The following BAAT variants were observed in gnomAD, a reference collection of about 807,000 sequenced individuals.
BAAT encodes the protein bile acid CoA: amino acid N-acyltransferase (glycine N-choloyltransferase).
Under a neutral mutation model 18.9 loss-of-function variants are expected in BAAT, and 13 were observed. That is an observed-to-expected ratio of 0.69 (90% CI 0.45 to 1.10). BAAT has a LOEUF of 1.10. Ranked by LOEUF, BAAT falls within the 50% of genes least tolerant of loss-of-function variation. BAAT has a pLI of 0.00. For missense variants in BAAT, 489 were observed against 504.0 expected (o/e 0.97, Z 0.28); for synonymous variants, 170 against 190.7 (o/e 0.89, Z 0.89).
rs1316460363 is a variant in BAAT, at chr9:101,362,859, G to A, written c.826C>T (p.Gln276Ter). ...AATTGTGCAGAATGGGGAAGGGGCT[G>A]ATGGATCTGACCATGATATACCTGT... is the stretch of plus-strand genomic sequence containing the variant. ...IPQVYHGQIH[Q>*]PLPHSAQLIS... is the part of the protein sequence containing the mutation. The change falls in exon 4 of 4, where the codon CAG (glutamine) becomes TAG (stop). Residue 276 changes from glutamine (Q) to a stop codon, truncating the protein, a stop_gained. Transcript: ENST00000259407. LOFTEE classifies it low-confidence loss of function (END_TRUNC). 6.2e-7 allele frequency: 1 copy of A among 1,614,136 alleles called. No homozygotes were observed. Among genetic ancestry groups the A allele is most frequent in the Admixed American group, 1.7e-5 (1 of 60,002 alleles).
intron 1 of BAAT, among the ~76,000 whole-genome samples, chr9:101,381,632 AAGAC>A (rs1162302398): frequency 1.3e-5 from 2 of 152,200 alleles, no homozygotes; most frequent in Non-Finnish European, 2.9e-5. Flanking sequence ...TTGTCAAAAA[AAGAC>A]AGATTGAAAG....
At position 101,361,006 on chromosome 9, in the gene BAAT, T is replaced by G. The variant is rs1393040270; in HGVS notation, c.*1422A>C. ...TATGTAAGATCATGTTAGCAGCCAGTGTTGGAGTAAGACATGGATCTTGAC... is the reference window on the plus strand; with the variant it reads ...TATGTAAGATCATGTTAGCAGCCAGGGTTGGAGTAAGACATGGATCTTGAC... On this transcript the variant is annotated 3_prime_UTR_variant, in exon 4 of 4. Transcript: ENST00000259407. The G allele has an allele frequency of 5.7e-6, 1 of 174,406 alleles. No individual in the cohort carries two copies. Among genetic ancestry groups the G allele is most frequent in the Middle Eastern group, 6.0e-4 (1 of 1,670 alleles). The allele number at this position is 174,406 out of a possible 1,614,324, so 10.8% of individuals were successfully genotyped here. A position where few individuals can be genotyped will look rare whatever the true frequency, so the allele number is the denominator to read the frequency against.
At chr9:101,370,907 A>G (rs1386738787) in intron 2 of BAAT, 32 bp downstream of exon 2, 2 of 1,604,792 alleles carry the variant, frequency 1.2e-6, no homozygotes, top group African/African-American at 2.7e-5. Context: ...TGGAAAAACA[A>G]GAATAACAAT....
intron 1 of BAAT, chr9:101,376,136 C>A: frequency 1.6e-5 from 2 of 128,656 alleles, no homozygotes; most frequent in South Asian, 2.1e-4. Context: ...TTTTTTTTTT[C>A]TGTTTAGCTG....
At chr9:101,381,285 G>T (rs920803698) in intron 1 of BAAT, among the ~76,000 whole-genome samples, 1 of 151,960 alleles carries the variant, frequency 6.6e-6, no homozygotes, top group Non-Finnish European at 1.5e-5. Flanking sequence ...ACTTTGGGAG[G>T]CTGAGGTATG....
intron 3 of BAAT, among the ~76,000 whole-genome samples, chr9:101,367,089 T>C (rs12351725): frequency 0.17 from 21,817 of 131,780 alleles, 1,846 homozygotes; most frequent in African/African-American, 0.22. Context: ...CTAGCCTAGG[T>C]GACAGAGCGA....
intron 2 of BAAT, among the ~76,000 whole-genome samples, chr9:101,368,961 G>T (rs1829879578): frequency 6.6e-6 from 1 of 152,156 alleles, no homozygotes; most frequent in Non-Finnish European, 1.5e-5. Context: ...ACTATACAGT[G>T]ATGAAACCTT....
chr9:101,381,132 TA>T (rs2119040457), intron 1 of BAAT, among the ~76,000 whole-genome samples: 1 of 152,052 alleles, frequency 6.6e-6, no homozygotes, highest in South Asian at 2.1e-4. Context: ...AAAGGAGGAA[TA>T]AAGGAGCAAA....
chr9:101,373,627 AC>A (rs1829994707), intron 1 of BAAT, among the ~76,000 whole-genome samples: 1 of 152,234 alleles, frequency 6.6e-6, no homozygotes, highest in Admixed American at 6.5e-5. Flanking sequence ...AGAAACTATC[AC>A]CTACTTGGAT....
At chr9:101,365,623 G>A (rs1588139401) in intron 3 of BAAT, among the ~76,000 whole-genome samples, 1 of 151,886 alleles carries the variant, frequency 6.6e-6, no homozygotes, top group South Asian at 2.1e-4. Flanking sequence ...TGCAACCTCC[G>A]CCTCTCAGGT....
At chr9:101,373,933 T>C (rs1034949892) in intron 1 of BAAT, among the ~76,000 whole-genome samples, 8 of 152,250 alleles carry the variant, frequency 5.3e-5, no homozygotes, top group Non-Finnish European at 1.2e-4. Context: ...GCTTCTGTTA[T>C]TTGTGACATA....
Position 101,362,692 on chromosome 9 carries a change from G to C in BAAT, c.993C>G (p.Ile331Met). ...LFIVGEGDKT[I>M]NSKAHAEQAI... The stretch of plus-strand genomic sequence containing the variant: ...CTTGTTCAGCGTGTGCTTTGCTGTT[G>C]ATAGTCTTATCACCTTCTCCTACAA... Residue 331 changes from isoleucine (I) to methionine (M), a missense_variant, in exon 4 of 4, where the codon ATC becomes ATG. Physicochemically the swap from Ile to Met is conservative, Grantham distance 10. Coordinates refer to ENST00000259407, the MANE Select transcript of BAAT (RefSeq NM_001701.4). 1 of 1,614,186 alleles carries C rather than the reference G, an allele frequency of 6.2e-7. No homozygotes were observed. Among genetic ancestry groups the C allele is most frequent in the Non-Finnish European group, 8.5e-7 (1 of 1,180,028 alleles).
intron 3 of BAAT, among the ~76,000 whole-genome samples, chr9:101,363,612 A>G (rs1029411669): frequency 6.6e-6 from 1 of 151,830 alleles, no homozygotes; most frequent in Non-Finnish European, 1.5e-5. Context: ...TCTTGTCATT[A>G]AGGAACTCAC....
In BAAT at chr9:101,375,338, AAC is replaced by A. The variant is rs1278291743; in HGVS notation, c.-59-3877_-59-3876del. Reference sequence around the variant, plus strand: ...GGTATGTCTTTATTAGCAGTGTGTGAACAGACTAATACAGTTACAAAGCAGCT... The same window carrying A: ...GGTATGTCTTTATTAGCAGTGTGTGAAGACTAATACAGTTACAAAGCAGCT... On this transcript the variant is annotated intron_variant, in intron 1 of 3. Coordinates refer to ENST00000259407, the MANE Select transcript of BAAT (RefSeq NM_001701.4). 2.3e-5 allele frequency: 4 copies of A among 170,402 alleles called. No individual in the cohort carries two copies. In the East Asian group the frequency reaches 5.8e-4, roughly 25 times the overall value. 10.6% of individuals were successfully genotyped at this position (170,402 alleles called of 1,614,324 possible). A position where few individuals can be genotyped will look rare whatever the true frequency, so the allele number is the denominator to read the frequency against.
rs934377807 is a variant in BAAT at position 101,362,436 on chromosome 9, G to C, written c.1249C>G (p.Gln417Glu). 1 of 1,613,862 alleles carries C rather than the reference G, an allele frequency of 6.2e-7. No homozygotes were observed. Among genetic ancestry groups the C allele is most frequent in the Non-Finnish European group, 8.5e-7 (1 of 1,179,826 alleles). Reference sequence around the variant, plus strand: ...AGGAATATCTAGTCTTCTTAGAGTTGACTGGTCACATCTGGAATGAGGTGC... The same window carrying C: ...AGGAATATCTAGTCTTCTTAGAGTTCACTGGTCACATCTGGAATGAGGTGC... ...RKHLIPDVTS[Q>E]L The change falls in exon 4 of 4, where the codon CAA (glutamine) becomes GAA (glutamate). Residue 417 changes from glutamine (Q) to glutamate (E), a missense_variant. Gln to Glu is a conservative substitution (Grantham distance 29). Coordinates refer to ENST00000259407, the MANE Select transcript of BAAT (RefSeq NM_001701.4).
chr9:101,370,541 T>C (rs771228766), intron 2 of BAAT, among the ~76,000 whole-genome samples: 51 of 152,186 alleles, frequency 3.4e-4, no homozygotes, highest in African/African-American at 1.0e-3. Context: ...CTTGAACTGT[T>C]GGCCTCTATT....
At chr9:101,376,959 G>A (rs1588144324) in intron 1 of BAAT, among the ~76,000 whole-genome samples, 3 of 152,194 alleles carry the variant, frequency 2.0e-5, no homozygotes, top group Non-Finnish European at 4.4e-5. Flanking sequence ...ATATGCATGT[G>A]TCTTTATGGT....
intron 3 of BAAT, among the ~76,000 whole-genome samples, chr9:101,364,095 G>A (rs1246011061): frequency 6.6e-6 from 1 of 152,166 alleles, no homozygotes; most frequent in Non-Finnish European, 1.5e-5. Context: ...CTACACAGGA[G>A]CCATTCTCCA....
At chr9:101,365,916 G>A (rs1447545367) in intron 3 of BAAT, among the ~76,000 whole-genome samples, 2 of 152,022 alleles carry the variant, frequency 1.3e-5, no homozygotes, top group Non-Finnish European at 2.9e-5. Flanking sequence ...TATACATGGT[G>A]GAATGAACAA....
Sources: gnomAD v4.1 joint callset for allele counts (sites outside exome capture counted in the v4.1 genomes callset) on GRCh38, gnomAD v4.1.1 for gene constraint, MANE v1.5 for transcripts, NCBI Gene and HGNC (gene_info 2026-07-23, HGNC 2026-07-21) for gene names.